The following PTPRO variants were observed in gnomAD, a reference collection of about 807,000 sequenced individuals.
The protein encoded by PTPRO is protein tyrosine phosphatase receptor type O.
PTPRO carries 62 observed loss-of-function variants against 145.2 expected under a neutral mutation model. The ratio of observed to expected loss-of-function variants is 0.43; its 90% CI spans 0.35 to 0.53. The LOEUF (loss-of-function observed/expected upper bound fraction) is 0.53. PTPRO is among the 20% of genes least tolerant of loss of function. PTPRO has a pLI of 0.01. For missense variants in PTPRO, 1,345 were observed against 1,482.7 expected (o/e 0.91, Z 1.53); for synonymous variants, 565 against 514.7 (o/e 1.10, Z -1.32).
In PTPRO at chr12:15,533,453, A is replaced by G. The variant is rs1943002807; in HGVS notation, c.2164+7191A>G. ...TGTTCTACTAATCATGTTATTGTGT[A>G]TATAAGCCCTTTCCATTTTATATAA... is the stretch of plus-strand genomic sequence containing the variant. On this transcript the variant is annotated intron_variant, in intron 12 of 26. Transcript: ENST00000281171. 2.0e-5 allele frequency among the ~76,000 whole-genome samples: 3 copies of G among 152,156 alleles called. No homozygotes were observed. The South Asian group carries it at 6.2e-4, about 31-fold the overall frequency.
At chr12:15,546,039 T>C (rs1943280927) in intron 12 of PTPRO, among the ~76,000 whole-genome samples, 1 of 151,880 alleles carries the variant, frequency 6.6e-6, no homozygotes, top group Admixed American at 6.6e-5. Context: ...AATGATACTA[T>C]CTGTTTAGCT....
chr12:15,516,611 GAGGAAGGAAGGA>G (rs1219439083), intron 8 of PTPRO, 140 bp from the exon 9 acceptor site: 1 of 648,478 alleles, frequency 1.5e-6, no homozygotes, highest in African/African-American at 2.1e-5. Flanking sequence ...GCAAGAAAGG[GAGGAAGGAAGGA>G]AGGAAGGAAG....
intron 12 of PTPRO, among the ~76,000 whole-genome samples, chr12:15,527,004 T>C (rs1163149799): frequency 6.6e-6 from 1 of 152,124 alleles, no homozygotes; most frequent in Non-Finnish European, 1.5e-5. Flanking sequence ...TATATTTTCA[T>C]ATAATGAGAG....
intron 1 of PTPRO, among the ~76,000 whole-genome samples, chr12:15,421,666 T>C (rs896177145): frequency 3.9e-5 from 6 of 152,288 alleles, no homozygotes; most frequent in Admixed American, 3.9e-4. Context: ...TGGTATCAGA[T>C]TGTTTATTTT....
At position 15,446,149 on chromosome 12, in the gene PTPRO, AAAC is replaced by A. The variant is rs539570705; in HGVS notation, c.76-37810_76-37808del. On this transcript the variant is annotated intron_variant, in intron 1 of 26. Transcript: ENST00000281171. Reference sequence around the variant, plus strand: ...ATGTTATTCTATTGTTCAATTTGAAAAACAACAACAACAACAAATAATCTCAAG... The same window carrying A: ...ATGTTATTCTATTGTTCAATTTGAAAAACAACAACAACAAATAATCTCAAG... 1.5e-4 allele frequency among the ~76,000 whole-genome samples: 23 copies of A among 152,246 alleles called. No individual in the cohort carries two copies. In the East Asian group the frequency reaches 3.1e-3, roughly 20 times the overall value.
At chr12:15,324,623 C>T (rs952352611) in intron 1 of PTPRO, among the ~76,000 whole-genome samples, 1 of 151,952 alleles carries the variant, frequency 6.6e-6, no homozygotes, top group African/African-American at 2.4e-5. Flanking sequence ...TGTAGTGGGA[C>T]ACATAATTTT....
chr12:15,358,943 C>T (rs1202856399), intron 1 of PTPRO, among the ~76,000 whole-genome samples: 2 of 152,190 alleles, frequency 1.3e-5, no homozygotes, highest in African/African-American at 4.8e-5. Flanking sequence ...TTTGTTTCCT[C>T]CTGCTTTTTA....
intron 1 of PTPRO, among the ~76,000 whole-genome samples, chr12:15,418,329 G>A (rs1940039779): frequency 6.6e-6 from 1 of 151,694 alleles, no homozygotes; most frequent in Non-Finnish European, 1.5e-5. Flanking sequence ...TAATTTCTCT[G>A]GGGTTCACAG....
intron 9 of PTPRO, among the ~76,000 whole-genome samples, chr12:15,518,611 C>T (rs1242051825): frequency 6.6e-6 from 1 of 152,198 alleles, no homozygotes; most frequent in Non-Finnish European, 1.5e-5. Flanking sequence ...ATGCCTTTAA[C>T]AGCACCAAGT....
At chr12:15,359,639 G>C (rs1304506971) in intron 1 of PTPRO, among the ~76,000 whole-genome samples, 1 of 151,836 alleles carries the variant, frequency 6.6e-6, no homozygotes, top group African/African-American at 2.4e-5. Context: ...GGCTGGTCTT[G>C]AACAAACTCT....
intron 1 of PTPRO, among the ~76,000 whole-genome samples, chr12:15,467,401 T>G (rs1204060292): frequency 1.5e-5 from 2 of 132,996 alleles, no homozygotes; most frequent in East Asian, 4.3e-4. Flanking sequence ...GGTAGTGAGG[T>G]AGGGGTGAGT....
chr12:15,376,540 T>C (rs1443206119), intron 1 of PTPRO, among the ~76,000 whole-genome samples: 2 of 152,176 alleles, frequency 1.3e-5, no homozygotes, highest in Non-Finnish European at 2.9e-5. Flanking sequence ...AAGATAAGTA[T>C]ACAGTAGTCT....
intron 12 of PTPRO, among the ~76,000 whole-genome samples, chr12:15,541,690 G>A (rs1307324906): frequency 3.3e-5 from 5 of 152,146 alleles, no homozygotes; most frequent in Non-Finnish European, 5.9e-5. Flanking sequence ...CGTGCTAACA[G>A]CTTCATTTAA....
intron 1 of PTPRO, among the ~76,000 whole-genome samples, chr12:15,397,039 T>G (rs1939360219): frequency 6.6e-6 from 1 of 152,166 alleles, no homozygotes; most frequent in Non-Finnish European, 1.5e-5. Context: ...TTTCTTATAA[T>G]GCGCCACTAA....
At chr12:15,592,823 T>C (rs1427456682) in intron 25 of PTPRO, among the ~76,000 whole-genome samples, 1 of 152,234 alleles carries the variant, frequency 6.6e-6, no homozygotes, top group Non-Finnish European at 1.5e-5. Flanking sequence ...GATGTTCTCC[T>C]CTCTTCTATT....
chr12:15,352,137 G>A (rs897897514), intron 1 of PTPRO, among the ~76,000 whole-genome samples: 7 of 152,134 alleles, frequency 4.6e-5, no homozygotes, highest in Non-Finnish European at 7.4e-5. Flanking sequence ...TGGAGTCTGC[G>A]CCCAGCATGT....
At chr12:15,550,302 A>T (rs1943421185) in intron 14 of PTPRO, among the ~76,000 whole-genome samples, 1 of 152,234 alleles carries the variant, frequency 6.6e-6, no homozygotes, top group African/African-American at 2.4e-5. Context: ...ACTATTCATT[A>T]AGTGGAAGCA....
intron 8 of PTPRO, 68 bp from the exon 9 acceptor site, chr12:15,516,695 G>C: frequency 7.1e-7 from 1 of 1,403,612 alleles, no homozygotes; most frequent in Middle Eastern, 2.4e-4. Flanking sequence ...TTAAGTAGAA[G>C]TTTGAGGCCA....
At chr12:15,396,209 GA>G (rs1939335036) in intron 1 of PTPRO, among the ~76,000 whole-genome samples, 1 of 152,118 alleles carries the variant, frequency 6.6e-6, no homozygotes, top group Non-Finnish European at 1.5e-5. Flanking sequence ...AATTCATACA[GA>G]AATACGTAGG....
Sources: allele counts gnomAD v4.1 joint callset (sites outside exome capture counted in the v4.1 genomes callset), GRCh38; gene constraint gnomAD v4.1.1; transcripts MANE v1.5; gene names NCBI Gene and HGNC (gene_info 2026-07-23, HGNC 2026-07-21).